Variants in PPARGC1A observed in about 807,000 individuals in gnomAD.
The protein encoded by PPARGC1A is peroxisome proliferator-activated receptor gamma coactivator 1-alpha.
In PPARGC1A, 25 loss-of-function variants were observed where a neutral mutation model predicts 88.7. That is an observed-to-expected ratio of 0.28 (90% CI 0.21 to 0.39). The LOEUF (loss-of-function observed/expected upper bound fraction) is 0.39, where lower values mean the gene tolerates loss of function less well. PPARGC1A is among the 10% of genes least tolerant of loss of function. The pLI is 1.00. For synonymous variants in PPARGC1A, 363 were observed against 355.6 expected, an observed-to-expected ratio of 1.02 and a Z score of -0.24; for missense variants, 880 against 968.7, an observed-to-expected ratio of 0.91 and a Z score of 1.22.
At chr4:24,092,605 G>A in the PPARGC1A span, among the ~76,000 whole-genome samples, 1 of 152,094 alleles carries the variant, frequency 6.6e-6, no homozygotes, top group Non-Finnish European at 1.5e-5. Flanking sequence ...TCCCAAGACA[G>A]TCCTGTTCCA....
At chr4:23,844,691 TA>T (rs1727824089) in intron 2 of PPARGC1A, among the ~76,000 whole-genome samples, 1 of 101,168 alleles carries the variant, frequency 9.9e-6, no homozygotes, top group Non-Finnish European at 1.7e-5. Flanking sequence ...TATCATATAA[TA>T]TATGATCTAT....
the PPARGC1A span, among the ~76,000 whole-genome samples, chr4:24,344,947 G>T: frequency 2.0e-5 from 3 of 152,118 alleles, no homozygotes; most frequent in African/African-American, 7.2e-5. Context: ...GAGAGGTAAG[G>T]ATCCAGTTTC....
At chr4:24,278,703 A>G in the PPARGC1A span, among the ~76,000 whole-genome samples, 1 of 152,092 alleles carries the variant, frequency 6.6e-6, no homozygotes, top group Non-Finnish European at 1.5e-5. Context: ...GTCAGCTTTG[A>G]TTTTCCACAC....
intron 2 of PPARGC1A, among the ~76,000 whole-genome samples, chr4:23,832,113 G>T (rs2109705834): frequency 6.6e-6 from 1 of 152,236 alleles, no homozygotes; most frequent in South Asian, 2.1e-4. Context: ...GACCTTGAGA[G>T]AATTTTAACC....
At chr4:23,865,455 A>G (rs938203464) in intron 2 of PPARGC1A, among the ~76,000 whole-genome samples, 2 of 152,212 alleles carry the variant, frequency 1.3e-5, no homozygotes, top group African/African-American at 2.4e-5. Flanking sequence ...CACGGCCCCA[A>G]TAAAATGTTT....
At chr4:24,446,934 T>G in the PPARGC1A span, among the ~76,000 whole-genome samples, 1 of 152,130 alleles carries the variant, frequency 6.6e-6, no homozygotes, top group African/African-American at 2.4e-5. Context: ...ATCTCACAAC[T>G]TTGCCTTATT....
At chr4:24,469,902 C>T in the PPARGC1A span, among the ~76,000 whole-genome samples, 13 of 152,154 alleles carry the variant, frequency 8.5e-5, no homozygotes, top group Non-Finnish European at 1.6e-4. Flanking sequence ...ACGTGATTGC[C>T]TGTCTTGTGA....
chr4:23,801,901 G>A lies in PPARGC1A; in HGVS notation c.2142-20C>T, dbSNP rs199797442. 116 of 1,613,384 alleles carry A rather than the reference G, an allele frequency of 7.2e-5. No homozygotes were observed. The East Asian group carries it at 9.2e-4, about 13-fold the overall frequency. ...CTGTCTCTGCAACGGACAAAGAAAA[G>A]TTCAAAGCTGGTTAAGAAGTATTAG... On this transcript the variant is annotated intron_variant, in intron 11 of 12. Transcript: ENST00000264867.
At chr4:23,957,915 G>T in the PPARGC1A span, among the ~76,000 whole-genome samples, 1 of 152,160 alleles carries the variant, frequency 6.6e-6, no homozygotes, top group African/African-American at 2.4e-5. Context: ...AAAAGATAGG[G>T]GGAACCTGAG....
At chr4:24,226,306 G>A in the PPARGC1A span, among the ~76,000 whole-genome samples, 2 of 152,148 alleles carry the variant, frequency 1.3e-5, no homozygotes, top group African/African-American at 2.4e-5. Context: ...ATACACTGCC[G>A]ACCCAGCCTG....
the PPARGC1A span, among the ~76,000 whole-genome samples, chr4:24,078,075 T>C: frequency 6.6e-6 from 1 of 150,422 alleles, no homozygotes; most frequent in Non-Finnish European, 1.5e-5. Flanking sequence ...AATGTTTTCC[T>C]CTGCCCTGCA....
the PPARGC1A span, among the ~76,000 whole-genome samples, chr4:24,246,598 A>G: frequency 6.6e-6 from 1 of 152,230 alleles, no homozygotes; most frequent in African/African-American, 2.4e-5. Context: ...CCTGCGTGAC[A>G]CAGCCAGACC....
At chr4:23,830,072 G>T (rs112343885) in intron 3 of PPARGC1A, among the ~76,000 whole-genome samples, 2 of 152,064 alleles carry the variant, frequency 1.3e-5, no homozygotes, top group African/African-American at 2.4e-5. Flanking sequence ...AGTGGAGTGT[G>T]GGGGGTGGGG....
At chr4:24,010,338 G>T in the PPARGC1A span, among the ~76,000 whole-genome samples, 1 of 152,270 alleles carries the variant, frequency 6.6e-6, no homozygotes, top group East Asian at 1.9e-4. Context: ...GCTTTGTGCA[G>T]GATGAAGTAT....
the PPARGC1A span, among the ~76,000 whole-genome samples, chr4:23,965,565 G>C: frequency 6.6e-6 from 1 of 152,200 alleles, no homozygotes; most frequent in Non-Finnish European, 1.5e-5. Context: ...GCAAGAGCTA[G>C]TGAAAAGCAA....
chr4:24,330,705 T>TTTATAAATGA, the PPARGC1A span, among the ~76,000 whole-genome samples: 1 of 152,214 alleles, frequency 6.6e-6, no homozygotes, highest in Non-Finnish European at 1.5e-5. Flanking sequence ...ATTATGACCC[T>TTTATAAATGA]GGCTTTATAA....
Position 23,828,586 on chromosome 4 carries a change from T to G in PPARGC1A, c.571A>C (p.Asn191His). The G allele has an allele frequency of 6.2e-7, 1 of 1,614,102 alleles. No homozygotes were observed. The highest frequency in any genetic ancestry group is 8.5e-7 in the Non-Finnish European group (1 of 1,179,978). ...TGTTGACAAATACTCTTCGCTTTAT[T>G]GCTCCATGAATTCTCAGTCTTAAAA... ...AIVKTENSWSNKAKSICQQQK... is the reference protein window; with the variant it reads ...AIVKTENSWSHKAKSICQQQK... The change falls in exon 5 of 13, where the codon AAT (asparagine) becomes CAT (histidine). Residue 191 changes from asparagine to histidine, a missense_variant. Transcript: ENST00000264867.
the PPARGC1A span, among the ~76,000 whole-genome samples, chr4:24,065,619 A>C: frequency 6.6e-6 from 1 of 152,270 alleles, no homozygotes; most frequent in East Asian, 1.9e-4. Context: ...TATGAGAAGG[A>C]AAACCACCCC....
the PPARGC1A span, among the ~76,000 whole-genome samples, chr4:24,200,039 A>C: frequency 1.3e-5 from 2 of 152,202 alleles, no homozygotes; most frequent in African/African-American, 4.8e-5. Flanking sequence ...CAGAGTAGTT[A>C]AAATGGATAA....
Sources: allele counts gnomAD v4.1 joint callset (sites outside exome capture counted in the v4.1 genomes callset), GRCh38; gene constraint gnomAD v4.1.1; transcripts MANE v1.5; gene names NCBI Gene and HGNC (gene_info 2026-07-23, HGNC 2026-07-21).